TUFT1: variants seen among roughly 807,000 people sequenced by gnomAD.
TUFT1 encodes tuftelin 1.
Under a neutral mutation model 57.8 loss-of-function variants are expected in TUFT1, and 43 were observed. The ratio of observed to expected loss-of-function variants is 0.74; its 90% CI spans 0.58 to 0.96. The LOEUF (loss-of-function observed/expected upper bound fraction) is 0.96. Ranked by LOEUF, TUFT1 falls within the 40% of genes least tolerant of loss-of-function variation. TUFT1 has a pLI of 0.00. For missense variants in TUFT1, 459 were observed against 489.0 expected (o/e 0.94, Z 0.58); for synonymous variants, 166 against 176.7 (o/e 0.94, Z 0.48).
rs1015036813 is a variant in TUFT1 at position 151,582,886 on chromosome 1, T to C, written c.*1179T>C. On this transcript the variant is annotated 3_prime_UTR_variant, in exon 13 of 13. Transcript: ENST00000368849. ...AACCCCTTGCTCCATAATTGGTCTT[T>C]TATCCTGGCTCTGAATGACCCTGCA... is the stretch of plus-strand genomic sequence containing the variant. The C allele has an allele frequency of 4.6e-5, 7 of 152,074 alleles. No individual in the cohort carries two copies. The highest frequency in any genetic ancestry group is 1.7e-4 in the African/African-American group (7 of 41,406). 9.4% of individuals were successfully genotyped at this position (152,074 alleles called of 1,614,324 possible). A position where few individuals can be genotyped will look rare whatever the true frequency, so the allele number is the denominator to read the frequency against.
chr1:151,577,728 TAATC>T (rs1250117485), intron 9 of TUFT1, among the ~76,000 whole-genome samples: 1 of 152,118 alleles, frequency 6.6e-6, no homozygotes, highest in African/African-American at 2.4e-5. Flanking sequence ...TTGAGTATAA[TAATC>T]CCAGCTCCAA....
intron 1 of TUFT1, among the ~76,000 whole-genome samples, chr1:151,560,481 T>C (rs1162478699): frequency 2.6e-5 from 4 of 151,938 alleles, no homozygotes; most frequent in Non-Finnish European, 5.9e-5. Flanking sequence ...ACATCAAGAG[T>C]TAAGTATCTC....
chr1:151,564,762 A>G lies in TUFT1; in HGVS notation c.414+148A>G, dbSNP rs540013209. The G allele has an allele frequency of 6.3e-5, 42 of 666,726 alleles. 1 individual carries two copies. The highest frequency in any genetic ancestry group is 2.9e-4 in the South Asian group (16 of 54,252). 41.3% of individuals were successfully genotyped at this position (666,726 alleles called of 1,614,324 possible). ...GAGGTGATGCTGGCTTCTCTGGAGCACTCACAATCTGGTTAGGACTCTCCA... is the reference window on the plus strand; with the variant it reads ...GAGGTGATGCTGGCTTCTCTGGAGCGCTCACAATCTGGTTAGGACTCTCCA... On this transcript the variant is annotated intron_variant, in intron 5 of 12. Transcript: ENST00000368849.
At chr1:151,552,743 A>G (rs1665552146) in intron 1 of TUFT1, among the ~76,000 whole-genome samples, 1 of 149,148 alleles carries the variant, frequency 6.7e-6, no homozygotes. Flanking sequence ...AGGCATACAG[A>G]TTTATTTGAT....
In TUFT1 at chr1:151,569,700, C is replaced by T. The variant is rs41310883; in HGVS notation, c.524C>T (p.Thr175Met). ...INEDVESLRK[T>M]VQDLLAKLQE... is the part of the protein sequence containing the mutation. Reference sequence around the variant, plus strand: ...GAGGATGTTGAGAGCTTGAGGAAGACGGTGCAGGACTTGCTGGCCAAGCTT... The same window carrying T: ...GAGGATGTTGAGAGCTTGAGGAAGATGGTGCAGGACTTGCTGGCCAAGCTT... The change falls in exon 7 of 13, where the codon ACG (threonine) becomes ATG (methionine). Residue 175 changes from threonine to methionine, a missense_variant. Transcript: ENST00000368849. 0.015 allele frequency: 23,521 copies of T among 1,613,904 alleles called. 236 individuals carry two copies. Among genetic ancestry groups the T allele is most frequent in the South Asian group, 0.022 (2,028 of 91,070 alleles).
Position 151,566,195 on chromosome 1 carries a change from G to C in TUFT1, c.447G>C (p.Gln149His). ...TAGAAAAGCCAAATGGCTTTAGTCA[G>C]AGTCCCACAGCCCTGTACAGCAGCC... ...VVLEKPNGFSQSPTALYSSPP... is the reference protein window; with the variant it reads ...VVLEKPNGFSHSPTALYSSPP... The change falls in exon 6 of 13, where the codon CAG becomes CAC. Residue 149 changes from glutamine (Q) to histidine (H), a missense_variant. Physicochemically the swap from Gln to His is conservative, Grantham distance 24 (BLOSUM62 0). Coordinates refer to ENST00000368849, the MANE Select transcript of TUFT1 (RefSeq NM_020127.3). 4 of 1,611,896 alleles carry C rather than the reference G, an allele frequency of 2.5e-6. No individual in the cohort carries two copies. The highest frequency in any genetic ancestry group is 2.5e-6 in the Non-Finnish European group (3 of 1,179,346).
intron 1 of TUFT1, chr1:151,557,733 C>G: frequency 1.3e-6 from 1 of 785,230 alleles, no homozygotes; most frequent in South Asian, 1.3e-5. Flanking sequence ...ATGCTGCAGC[C>G]GTCCAGAGAC....
At position 151,558,526 on chromosome 1, in the gene TUFT1, T is replaced by G. The variant is rs143801563; in HGVS notation, c.61-3565T>G. Among the ~76,000 whole-genome samples, 641 of 152,242 alleles carry G rather than the reference T, an allele frequency of 4.2e-3. 2 individuals are homozygous for G. The highest frequency in any genetic ancestry group is 0.011 in the Admixed American group (164 of 15,298). ...GTCTTTTGCCAAATTTTGAAAATTTTTGGTCATTATTTCTTTGAGAACATT... is the reference window on the plus strand; with the variant it reads ...GTCTTTTGCCAAATTTTGAAAATTTGTGGTCATTATTTCTTTGAGAACATT... On this transcript the variant is annotated intron_variant, in intron 1 of 12. Transcript: ENST00000368849.
intron 1 of TUFT1, chr1:151,561,849 T>C (rs921827654): frequency 4.7e-6 from 7 of 1,477,434 alleles, no homozygotes; most frequent in Non-Finnish European, 6.3e-6. Flanking sequence ...TACAGAGCCA[T>C]GTGCCAGGTA....
chr1:151,561,820 G>A (rs1420404636), intron 1 of TUFT1: 1 of 1,443,286 alleles, frequency 6.9e-7, no homozygotes, highest in Non-Finnish European at 9.2e-7. Flanking sequence ...CAAGAACCAG[G>A]GTAGCCCTGC....
At chr1:151,571,234 C>G (rs542199187) in intron 7 of TUFT1, among the ~76,000 whole-genome samples, 1 of 152,156 alleles carries the variant, frequency 6.6e-6, no homozygotes, top group Non-Finnish European at 1.5e-5. Flanking sequence ...GGAGGAAGGG[C>G]ACCAAGGATG....
chr1:151,568,951 A>G (rs1666163434), intron 6 of TUFT1, among the ~76,000 whole-genome samples: 1 of 152,172 alleles, frequency 6.6e-6, no homozygotes, highest in Non-Finnish European at 1.5e-5. Flanking sequence ...TGATGCAGAG[A>G]CTGGGACACT....
chr1:151,558,781 C>CTTTTTTTTTTTTTTTTTTT (rs56003478), intron 1 of TUFT1, among the ~76,000 whole-genome samples: 1 of 142,056 alleles, frequency 7.0e-6, no homozygotes, highest in Non-Finnish European at 1.5e-5. Context: ...AGATAGTGTC[C>CTTTTTTTTTTTTTTTTTTT]TTTTTTTTTT....
At chr1:151,541,812 A>G (rs1665177353) in intron 1 of TUFT1, among the ~76,000 whole-genome samples, 1 of 152,190 alleles carries the variant, frequency 6.6e-6, no homozygotes, top group African/African-American at 2.4e-5. Context: ...AAATCTATCC[A>G]TTATGTGTCA....
intron 6 of TUFT1, among the ~76,000 whole-genome samples, chr1:151,566,618 T>C (rs1666092217): frequency 6.6e-6 from 1 of 152,180 alleles, no homozygotes; most frequent in Admixed American, 6.6e-5. Flanking sequence ...ATACTAATGT[T>C]TAGCTAAAGT....
At chr1:151,558,462 G>T (rs962489887) in intron 1 of TUFT1, among the ~76,000 whole-genome samples, 9 of 151,898 alleles carry the variant, frequency 5.9e-5, no homozygotes, top group Admixed American at 3.9e-4. Context: ...TGTTTATTCT[G>T]TTTGAAGTTT....
chr1:151,541,318 TCCCAGTTCTCCCCA>T (rs1239138150), intron 1 of TUFT1, among the ~76,000 whole-genome samples: 1 of 152,188 alleles, frequency 6.6e-6, no homozygotes, highest in African/African-American at 2.4e-5. Flanking sequence ...TGGCTCCCAG[TCCCAGTTCTCCCCA>T]CCCTAGCTGA....
intron 6 of TUFT1, 76 bp from the exon 7 acceptor site, chr1:151,569,581 G>A (rs1370726857): frequency 2.5e-6 from 3 of 1,204,552 alleles, no homozygotes; most frequent in East Asian, 2.4e-5. Context: ...ACCAGTGTGT[G>A]CCTGGGAGGG....
At chr1:151,580,762 G>A (rs1353703076) in intron 11 of TUFT1, among the ~76,000 whole-genome samples, 180 bp from the exon 12 acceptor site, 1 of 151,872 alleles carries the variant, frequency 6.6e-6, no homozygotes, top group Non-Finnish European at 1.5e-5. Flanking sequence ...GGTATTGGAG[G>A]ATAAGCGCAA....
Sources: allele counts gnomAD v4.1 joint callset (sites outside exome capture counted in the v4.1 genomes callset), GRCh38; gene constraint gnomAD v4.1.1; transcripts MANE v1.5; gene names NCBI Gene and HGNC (gene_info 2026-07-23, HGNC 2026-07-21).